Variants in LRRC37A2 observed in about 807,000 individuals in gnomAD.
The protein encoded by LRRC37A2 is leucine-rich repeat-containing protein 37A2.
A neutral mutation model predicts 68.8 loss-of-function variants in LRRC37A2; 9 were observed. The observed-to-expected ratio is 0.13, with a 90% confidence interval of 0.08 to 0.23. LRRC37A2 has a LOEUF of 0.23. Among genes scored for constraint, LRRC37A2 ranks in the 10% least tolerant of loss-of-function variants. The probability of loss-of-function intolerance (pLI) is 1.00; values close to 1 mark genes in which losing one functional copy is unlikely to be tolerated. For missense variants in LRRC37A2, 168 were observed against 950.4 expected (o/e 0.18, Z 10.82); for synonymous variants, 63 against 367.6 (o/e 0.17, Z 9.48).
At chr17:47,023,748 T>TGTAATTA in the LRRC37A2 span, among the ~76,000 whole-genome samples, 1 of 151,988 alleles carries the variant, frequency 6.6e-6, no homozygotes, top group East Asian at 1.9e-4. Context: ...GTGCCCTCCA[T>TGTAATTA]CACACCCAGC....
chr17:47,003,144 G>A, the LRRC37A2 span, among the ~76,000 whole-genome samples: 1 of 150,534 alleles, frequency 6.6e-6, no homozygotes, highest in African/African-American at 2.4e-5. Flanking sequence ...CAGCTACTCA[G>A]GAGGCTGAGG....
the LRRC37A2 span, among the ~76,000 whole-genome samples, chr17:46,850,507 C>A: frequency 6.6e-6 from 1 of 152,290 alleles, no homozygotes; most frequent in East Asian, 1.9e-4. Flanking sequence ...GCCAAGGTCG[C>A]AGTCACTTGA....
chr17:46,947,106 G>T, the LRRC37A2 span, among the ~76,000 whole-genome samples: 1 of 152,184 alleles, frequency 6.6e-6, no homozygotes, highest in Non-Finnish European at 1.5e-5. Flanking sequence ...TGAAGCTGGA[G>T]GTGGGTGTGG....
the LRRC37A2 span, chr17:46,931,468 G>GT: frequency 1.9e-6 from 1 of 526,172 alleles, no homozygotes. Context: ...CTCCAGTTCT[G>GT]TTTTTTGACT....
the LRRC37A2 span, among the ~76,000 whole-genome samples, chr17:46,496,515 A>C: frequency 1.7e-3 from 255 of 146,944 alleles, 3 homozygotes; most frequent in Admixed American, 2.4e-3. Flanking sequence ...AGTCAAGATA[A>C]TCACTTGAAT....
the LRRC37A2 span, chr17:46,941,197 A>C: frequency 1.0e-6 from 1 of 1,002,664 alleles, no homozygotes; most frequent in Non-Finnish European, 1.2e-6. Context: ...CCAAACTCCA[A>C]GACCAAGTAA....
chr17:46,731,363 C>G, the LRRC37A2 span, among the ~76,000 whole-genome samples: 1 of 152,050 alleles, frequency 6.6e-6, no homozygotes, highest in Non-Finnish European at 1.5e-5. Flanking sequence ...AGGGTCACTG[C>G]TAATGGGTAT....
At chr17:46,707,279 G>A in the LRRC37A2 span, among the ~76,000 whole-genome samples, 3 of 152,166 alleles carry the variant, frequency 2.0e-5, no homozygotes, top group Non-Finnish European at 4.4e-5. Flanking sequence ...TGTATTGTGT[G>A]AAATAGTGTC....
the LRRC37A2 span, among the ~76,000 whole-genome samples, chr17:46,807,652 T>C: frequency 6.6e-6 from 1 of 152,178 alleles, no homozygotes; most frequent in Non-Finnish European, 1.5e-5. Context: ...TGACAGCAAA[T>C]GTGTATCCCA....
At chr17:47,013,453 T>C in the LRRC37A2 span, among the ~76,000 whole-genome samples, 1 of 152,158 alleles carries the variant, frequency 6.6e-6, no homozygotes, top group South Asian at 2.1e-4. Flanking sequence ...CATGCCCCAA[T>C]CCATACTTTG....
chr17:46,726,749 T>C, the LRRC37A2 span: 2 of 803,826 alleles, frequency 2.5e-6, no homozygotes, highest in African/African-American at 3.4e-5. Flanking sequence ...TACAAGGAAA[T>C]ATAATGTTCT....
the LRRC37A2 span, among the ~76,000 whole-genome samples, chr17:46,417,397 CTTT>C: frequency 2.3e-4 from 12 of 51,156 alleles, no homozygotes; most frequent in Admixed American, 6.5e-4. Context: ...ACAGTGACTT[CTTT>C]TGTTTACCTC....
the LRRC37A2 span, among the ~76,000 whole-genome samples, chr17:46,928,040 C>T: frequency 1.3e-5 from 2 of 152,156 alleles, no homozygotes; most frequent in Non-Finnish European, 2.9e-5. Context: ...GTGTCGGCTA[C>T]CTCAGGCTGC....
chr17:47,017,666 G>A, the LRRC37A2 span: 1 of 1,610,796 alleles, frequency 6.2e-7, no homozygotes, highest in East Asian at 2.2e-5. Flanking sequence ...CTCAGCGTTG[G>A]AGCCTTGCTG....
chr17:46,568,800 A>G, the LRRC37A2 span, among the ~76,000 whole-genome samples: 1 of 108,138 alleles, frequency 9.2e-6, no homozygotes, highest in South Asian at 3.0e-4. Context: ...AAAAAAAGGA[A>G]AAAAAAAGGC....
the LRRC37A2 span, among the ~76,000 whole-genome samples, chr17:46,725,940 G>A: frequency 6.6e-6 from 1 of 152,118 alleles, no homozygotes; most frequent in Non-Finnish European, 1.5e-5. Context: ...CTACATCCTT[G>A]CCAGGCTAAA....
the LRRC37A2 span, chr17:46,728,796 A>G: frequency 4.2e-6 from 5 of 1,198,274 alleles, no homozygotes; most frequent in Middle Eastern, 7.9e-4. Flanking sequence ...CAAAAACTGA[A>G]TGTTTGGAAT....
the LRRC37A2 span, among the ~76,000 whole-genome samples, chr17:46,951,416 G>A: frequency 6.6e-6 from 1 of 152,244 alleles, no homozygotes; most frequent in Middle Eastern, 3.4e-3. Flanking sequence ...CTGAGCCTGG[G>A]CTCCTCGCCC....
chr17:46,790,898 G>A, the LRRC37A2 span, among the ~76,000 whole-genome samples: 1 of 152,212 alleles, frequency 6.6e-6, no homozygotes. Context: ...TAAAAGATGT[G>A]TTTCAAAAGA....
Sources: allele counts gnomAD v4.1 joint callset (sites outside exome capture counted in the v4.1 genomes callset), GRCh38; gene constraint gnomAD v4.1.1; transcripts MANE v1.5; gene names NCBI Gene and HGNC (gene_info 2026-07-23, HGNC 2026-07-21).